The following PPT1 variants were observed in gnomAD, a reference collection of about 807,000 sequenced individuals.
The protein encoded by PPT1 is palmitoyl-protein thioesterase 1, also known as ceroid-palmitoyl-palmitoyl-protein thioesterase 1.
In PPT1, 24 loss-of-function variants were observed where a neutral mutation model predicts 44.0. That is an observed-to-expected ratio of 0.54 (90% CI 0.39 to 0.77). PPT1 has a LOEUF of 0.77. Among genes scored for constraint, PPT1 ranks in the 30% least tolerant of loss-of-function variants. PPT1 has a pLI of 0.00. For synonymous variants in PPT1, 148 were observed against 140.2 expected, an observed-to-expected ratio of 1.06 and a Z score of -0.39; for missense variants, 341 against 378.8, an observed-to-expected ratio of 0.90 and a Z score of 0.83.
intron 5 of PPT1, among the ~76,000 whole-genome samples, chr1:40,086,384 C>T (rs1649264350): frequency 6.6e-6 from 1 of 152,224 alleles, no homozygotes; most frequent in Non-Finnish European, 1.5e-5. Context: ...TCGTTGCCCT[C>T]ACCATGCCAA....
downstream of PPT1, chr1:40,072,236 G>T: frequency 2.6e-5 from 9 of 348,590 alleles, no homozygotes; most frequent in East Asian, 4.1e-5. Flanking sequence ...CCTTCCTATA[G>T]AGATGACTTT....
chr1:40,089,297 A>AAAAAAAAAAAAATT, intron 5 of PPT1, 113 bp downstream of exon 5: 2 of 616,444 alleles, frequency 3.2e-6, no homozygotes, highest in Non-Finnish European at 5.8e-6. Flanking sequence ...AAAAAAAAAG[A>AAAAAAAAAAAAATT]TCTCATTTGA....
At chr1:40,087,931 G>A (rs1219612262) in intron 5 of PPT1, among the ~76,000 whole-genome samples, 2 of 152,148 alleles carry the variant, frequency 1.3e-5, no homozygotes. Context: ...TATTTGTGTA[G>A]CCAACGAGTG....
chr1:40,078,821 T>A (rs1325362535), intron 6 of PPT1, 163 bp from the exon 7 acceptor site: 3 of 570,796 alleles, frequency 5.3e-6, no homozygotes, highest in East Asian at 7.2e-5. Flanking sequence ...CCTGTACAGC[T>A]TTTTTTTTTC....
intron 7 of PPT1, among the ~76,000 whole-genome samples, 168 bp downstream of exon 7, chr1:40,078,392 G>C (rs1648739676): frequency 6.6e-6 from 1 of 152,148 alleles, no homozygotes; most frequent in South Asian, 2.1e-4. Context: ...AGTAGCGATG[G>C]GGTTTCACCA....
In PPT1 at chr1:40,097,113, A is replaced by G. The variant is rs1057517368; in HGVS notation, c.124+2T>C. On this transcript the variant is annotated splice_donor_variant, in intron 1 of 8. Coordinates refer to ENST00000642050, the MANE Select transcript of PPT1 (RefSeq NM_000310.4). LOFTEE classifies it high-confidence loss of function. The stretch of plus-strand genomic sequence containing the variant: ...ACCCTTTTAAATTTCTCACTCACTC[A>G]CCCATCCCATGCCAGATCACCAACG... 1 of 1,613,784 alleles carries G rather than the reference A, an allele frequency of 6.2e-7. No homozygotes were observed. Among genetic ancestry groups the G allele is most frequent in the Non-Finnish European group, 8.5e-7 (1 of 1,179,890 alleles).
chr1:40,082,691 A>C (rs1293987194), intron 5 of PPT1, among the ~76,000 whole-genome samples: 3 of 152,250 alleles, frequency 2.0e-5, no homozygotes, highest in Admixed American at 6.5e-5. Flanking sequence ...GTTCAAGGAA[A>C]GAAACCATCT....
intron 7 of PPT1, among the ~76,000 whole-genome samples, chr1:40,077,987 T>A (rs1311523656): frequency 1.3e-5 from 2 of 152,168 alleles, no homozygotes; most frequent in Non-Finnish European, 2.9e-5. Context: ...GGGTCTCTGA[T>A]CTCTGGAAAA....
intron 4 of PPT1, 150 bp downstream of exon 4, chr1:40,091,179 C>A: frequency 1.2e-6 from 1 of 822,604 alleles, no homozygotes; most frequent in South Asian, 1.5e-5. Flanking sequence ...ATGTCTCCAG[C>A]AATGCTGGCT....
intron 5 of PPT1, among the ~76,000 whole-genome samples, chr1:40,086,543 G>A (rs1185343618): frequency 6.6e-6 from 1 of 152,148 alleles, no homozygotes; most frequent in Non-Finnish European, 1.5e-5. Context: ...TTACAGGGAG[G>A]TGGGGTATGG....
chr1:40,081,487 A>C (rs1375624604), intron 5 of PPT1, among the ~76,000 whole-genome samples: 1 of 152,118 alleles, frequency 6.6e-6, no homozygotes, highest in Non-Finnish European at 1.5e-5. Context: ...CAGTGAGCCA[A>C]GATCACGCCA....
rs536006112 is a variant in PPT1, at chr1:40,084,753, C to T, written c.537-4266G>A. 2.0e-5 allele frequency among the ~76,000 whole-genome samples: 3 copies of T among 152,216 alleles called. No individual in the cohort carries two copies. The South Asian group carries it at 6.2e-4, about 32-fold the overall frequency. On this transcript the variant is annotated intron_variant, in intron 5 of 8. Coordinates refer to ENST00000642050, the MANE Select transcript of PPT1 (RefSeq NM_000310.4). ...TCTTTATTCCAATATTATAATAATC[C>T]TTGCCCTACAATCATAACCTAGGAA...
intron 4 of PPT1, 39 bp from the exon 5 acceptor site, chr1:40,089,551 T>G: frequency 6.9e-7 from 1 of 1,456,050 alleles, no homozygotes; most frequent in South Asian, 1.1e-5. Context: ...CCTTCAATAA[T>G]GATGTATCGA....
At chr1:40,077,940 T>C (rs1175634971) in intron 7 of PPT1, among the ~76,000 whole-genome samples, 1 of 152,110 alleles carries the variant, frequency 6.6e-6, no homozygotes, top group East Asian at 1.9e-4. Context: ...AGCTTAGGAA[T>C]TTATATATTT....
At chr1:40,079,847 G>A (rs1161029888) in intron 6 of PPT1, among the ~76,000 whole-genome samples, 1 of 152,222 alleles carries the variant, frequency 6.6e-6, no homozygotes, top group Non-Finnish European at 1.5e-5. Flanking sequence ...ATAAGAAACT[G>A]CAAATTCTGG....
At chr1:40,072,567 C>T (rs1265454254), downstream of PPT1, 1 of 153,692 alleles carries the variant, frequency 6.5e-6, no homozygotes, top group Non-Finnish European at 1.5e-5. Flanking sequence ...GTGATTTCTA[C>T]CCATTTCCTG....
chr1:40,089,355 CATG>C, intron 5 of PPT1, 52 bp downstream of exon 5: 4 of 1,348,466 alleles, frequency 3.0e-6, no homozygotes, highest in South Asian at 1.2e-5. Flanking sequence ...TGAAAGTCAG[CATG>C]ATATTTTCAC....
intron 1 of PPT1, among the ~76,000 whole-genome samples, chr1:40,094,323 C>A (rs539606262): frequency 1.3e-5 from 2 of 152,316 alleles, no homozygotes; most frequent in East Asian, 3.9e-4. Flanking sequence ...AGATCCCTCA[C>A]ATGCGCAGTT....
chr1:40,083,642 T>C (rs1649103957), intron 5 of PPT1, among the ~76,000 whole-genome samples: 2 of 152,202 alleles, frequency 1.3e-5, no homozygotes, highest in African/African-American at 4.8e-5. Flanking sequence ...GTAATTTCAA[T>C]TTTCAAGTCT....
Sources: gnomAD v4.1 joint callset for allele counts (sites outside exome capture counted in the v4.1 genomes callset) on GRCh38, gnomAD v4.1.1 for gene constraint, MANE v1.5 for transcripts, NCBI Gene and HGNC (gene_info 2026-07-23, HGNC 2026-07-21) for gene names.